Variants in LDLRAP1 observed in about 807,000 individuals in gnomAD.
LDLRAP1 encodes low density lipoprotein receptor adaptor protein 1.
Under a neutral mutation model 37.8 loss-of-function variants are expected in LDLRAP1, and 30 were observed. The observed-to-expected ratio is 0.79, with a 90% CI of 0.59 to 1.08. The LOEUF is 1.08. LDLRAP1 is among the 50% of genes least tolerant of loss of function. LDLRAP1 has a pLI of 0.00. For missense variants in LDLRAP1, 375 were observed against 401.6 expected (o/e 0.93, Z 0.57); for synonymous variants, 156 against 169.8 (o/e 0.92, Z 0.63).
At position 25,544,861 on chromosome 1, in the gene LDLRAP1, A is replaced by G. The variant is rs1481718698; in HGVS notation, c.88+1075A>G. ...TGACAGTACAGCACCCCCTCATCCC[A>G]TCCCCTCTTGGCCTTACAGGGCTCT... is the stretch of plus-strand genomic sequence containing the variant. On this transcript the variant is annotated intron_variant, in intron 1 of 8. Coordinates refer to ENST00000374338, the MANE Select transcript of LDLRAP1 (RefSeq NM_015627.3). This position sits in a 1 kb window ranked among gnomAD's most constrained non-coding sequence, Gnocchi z 4.8. Among the ~76,000 whole-genome samples, 1 of 152,014 alleles carries G rather than the reference A, an allele frequency of 6.6e-6. No individual in the cohort carries two copies.
chr1:25,570,625 C>T (rs897868192), downstream of LDLRAP1, among the ~76,000 whole-genome samples: 9 of 151,970 alleles, frequency 5.9e-5, no homozygotes, highest in African/African-American at 9.7e-5. Context: ...TTTGGGAGGC[C>T]GAGGCAGGCG....
the LDLRAP1 span, among the ~76,000 whole-genome samples, chr1:25,584,543 G>C: frequency 6.6e-6 from 1 of 152,032 alleles, no homozygotes; most frequent in South Asian, 2.1e-4. Context: ...CCTCTCAGCA[G>C]GGACCTTCCT....
the LDLRAP1 span, among the ~76,000 whole-genome samples, chr1:25,587,776 G>T: frequency 1.3e-5 from 2 of 152,126 alleles, no homozygotes; most frequent in Non-Finnish European, 2.9e-5. Context: ...AGGACTCTGG[G>T]TGCAGTCACA....
chr1:25,563,106 G>C lies in LDLRAP1; in HGVS notation c.569G>C (p.Gly190Ala), dbSNP rs201198223. 94 of 1,614,004 alleles carry C rather than the reference G, an allele frequency of 5.8e-5. 1 individual carries two copies. In the Middle Eastern group the frequency reaches 3.1e-3, roughly 54 times the overall value. ...EKRDKASQEG[G>A]DVLGARQDCT... The stretch of plus-strand genomic sequence containing the variant: ...AGGGACAAAGCCAGCCAAGAGGGAG[G>C]GGACGTCCTGGGGGCCCGCCAAGAC... Residue 190 changes from glycine to alanine, a missense_variant, in exon 6 of 9, where the codon GGG (glycine) becomes GCG (alanine). Gly to Ala is a moderately conservative substitution (Grantham distance 60). Coordinates refer to ENST00000374338, the MANE Select transcript of LDLRAP1 (RefSeq NM_015627.3).
chr1:25,562,821 T>C, intron 5 of LDLRAP1, 105 bp downstream of exon 5: 1 of 1,059,040 alleles, frequency 9.4e-7, no homozygotes, highest in Admixed American at 1.9e-5. Context: ...CCCACCTGGC[T>C]TGTGACTGTG....
chr1:25,546,855 A>G (rs915615567), intron 1 of LDLRAP1, among the ~76,000 whole-genome samples: 3 of 151,970 alleles, frequency 2.0e-5, no homozygotes, highest in Non-Finnish European at 4.4e-5. Flanking sequence ...CTCATCAGCT[A>G]TCATTAGTAT....
At chr1:25,548,335 CTTTT>C (rs144789866) in intron 1 of LDLRAP1, among the ~76,000 whole-genome samples, 4,888 of 81,966 alleles carry the variant, frequency 0.06, 470 homozygotes, top group African/African-American at 0.25. Context: ...GATGGATACT[CTTTT>C]TTTTTTTTTT....
rs2044170729 is a variant in LDLRAP1, at chr1:25,555,161, C to T, written c.344+189C>T. On this transcript the variant is annotated intron_variant, in intron 3 of 8. Transcript: ENST00000374338. This position sits in a 1 kb window ranked among gnomAD's most constrained non-coding sequence, Gnocchi z 4.7. ...GTTAGGAAACGTGGAGTGCACGGCACCTGGCTCATGATGAGCATTTGGTTA... is the reference window on the plus strand; with the variant it reads ...GTTAGGAAACGTGGAGTGCACGGCATCTGGCTCATGATGAGCATTTGGTTA... 6.6e-6 allele frequency among the ~76,000 whole-genome samples: 1 copy of T among 152,208 alleles called. No individual in the cohort carries two copies. Among genetic ancestry groups the T allele is most frequent in the Admixed American group, 6.5e-5 (1 of 15,290 alleles).
At position 25,566,862 on chromosome 1, in the gene LDLRAP1, G is replaced by A. The variant is rs781011515; in HGVS notation, c.797G>A (p.Arg266Gln). 8.1e-6 allele frequency: 13 copies of A among 1,610,760 alleles called. No homozygotes were observed. The highest frequency in any genetic ancestry group is 2.7e-5 in the African/African-American group (2 of 74,824). ...CTGCCTTCCAGGCTTGCCCAGTCTC[G>A]GACAAACCCTCAGGTCCTGGACACT... Reference protein sequence around the residue: ...DEAFSRLAQSRTNPQVLDTGL... With the variant: ...DEAFSRLAQSQTNPQVLDTGL... The change falls in exon 9 of 9, where the codon CGG becomes CAG. Residue 266 changes from arginine to glutamine, a missense_variant. Physicochemically the swap from Arg to Gln is conservative, Grantham distance 43. Transcript: ENST00000374338.
downstream of LDLRAP1, among the ~76,000 whole-genome samples, chr1:25,572,590 T>C (rs1184803527): frequency 2.6e-5 from 4 of 151,868 alleles, no homozygotes; most frequent in Admixed American, 2.6e-4. Flanking sequence ...TAATGGGGAG[T>C]TGAGACCTGC....
At chr1:25,565,055 G>A (rs2044440884) in intron 7 of LDLRAP1, 118 bp from the exon 8 acceptor site, 10 of 1,121,206 alleles carry the variant, frequency 8.9e-6, no homozygotes, top group East Asian at 4.7e-5. Flanking sequence ...GCCTCCAGGC[G>A]CCCACCCTGA....
intron 1 of LDLRAP1, among the ~76,000 whole-genome samples, chr1:25,552,576 A>G (rs1221655389): frequency 2.0e-5 from 3 of 152,218 alleles, no homozygotes; most frequent in Non-Finnish European, 4.4e-5. Flanking sequence ...CAAGCACAGC[A>G]TCTGTGAGGG....
chr1:25,562,972 C>A, intron 5 of LDLRAP1, 98 bp from the exon 6 acceptor site: 1 of 1,177,454 alleles, frequency 8.5e-7, no homozygotes, highest in Non-Finnish European at 1.3e-6. Context: ...TGAAACTGCC[C>A]CTTGAGGTTG....
downstream of LDLRAP1, among the ~76,000 whole-genome samples, chr1:25,573,862 C>G (rs1403799221): frequency 6.6e-6 from 1 of 152,210 alleles, no homozygotes. Flanking sequence ...GAGTGCCCAC[C>G]ACATGCCAGG....
At chr1:25,587,346 G>T in the LDLRAP1 span, among the ~76,000 whole-genome samples, 1 of 152,044 alleles carries the variant, frequency 6.6e-6, no homozygotes, top group East Asian at 1.9e-4. Flanking sequence ...TAGAGACAGG[G>T]TCTTACCATG....
chr1:25,565,341 C>T lies in LDLRAP1; in HGVS notation c.782+134C>T, dbSNP rs1266864523. On this transcript the variant is annotated intron_variant, in intron 8 of 8. Transcript: ENST00000374338. Reference sequence around the variant, plus strand: ...CCCCCTCCAGAGCAACAGTCCCATCCCTCCACTCAAATGCTTCCAGGGGCA... The same window carrying T: ...CCCCCTCCAGAGCAACAGTCCCATCTCTCCACTCAAATGCTTCCAGGGGCA... 12 of 978,388 alleles carry T rather than the reference C, an allele frequency of 1.2e-5. 1 individual carries two copies. The East Asian group carries it at 2.9e-4, about 24-fold the overall frequency. 60.6% of individuals were successfully genotyped at this position (978,388 alleles called of 1,614,324 possible).
the LDLRAP1 span, among the ~76,000 whole-genome samples, chr1:25,586,239 A>C: frequency 6.6e-6 from 1 of 152,010 alleles, no homozygotes; most frequent in East Asian, 1.9e-4. This position sits in a 1 kb window ranked among gnomAD's most constrained non-coding sequence, Gnocchi z 4.3. Flanking sequence ...AATCCAAAGA[A>C]GAGAAAGCGC....
chr1:25,582,272 T>A, the LDLRAP1 span, among the ~76,000 whole-genome samples: 1 of 152,340 alleles, frequency 6.6e-6, no homozygotes, highest in Admixed American at 6.5e-5. Flanking sequence ...CCGCTCTATT[T>A]TAAAATTTAT....
At chr1:25,577,874 A>G in the LDLRAP1 span, among the ~76,000 whole-genome samples, 3 of 152,176 alleles carry the variant, frequency 2.0e-5, no homozygotes, top group African/African-American at 7.2e-5. Context: ...AGCACTTGGA[A>G]CAGTGCCTGG....
Sources: allele counts gnomAD v4.1 joint callset (sites outside exome capture counted in the v4.1 genomes callset), GRCh38; gene constraint gnomAD v4.1.1; non-coding constraint Gnocchi (gnomAD v3.1); transcripts MANE v1.5; gene names NCBI Gene and HGNC (gene_info 2026-07-23, HGNC 2026-07-21).